Variants in MTREX observed in about 807,000 individuals in gnomAD.
MTREX encodes Mtr4 exosome RNA helicase.
MTREX carries 76 observed loss-of-function variants against 135.4 expected under a neutral mutation model. The observed-to-expected ratio is 0.56, with a 90% CI of 0.47 to 0.68. The LOEUF is 0.68. Ranked by LOEUF, MTREX falls within the 30% of genes least tolerant of loss-of-function variation. The pLI is 0.00. For synonymous variants in MTREX, 404 were observed against 401.6 expected (o/e 1.01, Z -0.07); for missense variants, 920 against 1,262.1 (o/e 0.73, Z 4.11).
intron 16 of MTREX, among the ~76,000 whole-genome samples, chr5:55,368,813 A>G (rs1454042605): frequency 6.6e-6 from 1 of 152,224 alleles, no homozygotes; most frequent in African/African-American, 2.4e-5. Context: ...TGAAAAAAAA[A>G]ATCGAAGATG....
At chr5:55,326,734 C>T (rs936787234) in intron 3 of MTREX, among the ~76,000 whole-genome samples, 1 of 152,156 alleles carries the variant, frequency 6.6e-6, no homozygotes, top group Non-Finnish European at 1.5e-5. Flanking sequence ...TTCTGGGGTA[C>T]ATGTGCAGAA....
In MTREX at chr5:55,324,208, A is replaced by G. The variant is rs1262408244; in HGVS notation, c.339+10A>G. The G allele has an allele frequency of 8.8e-6, 14 of 1,594,076 alleles. No homozygotes were observed. The highest frequency in any genetic ancestry group is 6.8e-5 in the African/African-American group (5 of 73,448). On this transcript the variant is annotated intron_variant, in intron 3 of 26. Coordinates refer to ENST00000230640, the MANE Select transcript of MTREX (RefSeq NM_015360.5). The stretch of plus-strand genomic sequence containing the variant: ...AGGGTGTACACATGAGGTAAGCACA[A>G]ACAGCATACAGAAGGTTAGTGTTAC...
chr5:55,330,159 A>C (rs1014008839), intron 5 of MTREX, among the ~76,000 whole-genome samples: 1 of 151,938 alleles, frequency 6.6e-6, no homozygotes, highest in African/African-American at 2.4e-5. Flanking sequence ...GCTCATTTGC[A>C]TTCTCAAACT....
chr5:55,331,034 G>T (rs1228601271), intron 5 of MTREX, among the ~76,000 whole-genome samples: 4 of 151,152 alleles, frequency 2.6e-5, no homozygotes, highest in Non-Finnish European at 4.4e-5. Flanking sequence ...CTAAAATTTT[G>T]ATTTCGTCAG....
chr5:55,405,535 T>C lies in MTREX; in HGVS notation c.2592T>C (p.Ala864=), dbSNP rs763133934. The C allele has an allele frequency of 6.2e-6, 10 of 1,613,788 alleles. No individual in the cohort carries two copies. The highest frequency in any genetic ancestry group is 2.2e-5 in the East Asian group (1 of 44,872). ...GTGTTTTAAGAAGGTTGGGATTTGC[T>C]ACTTCTTCTGATGTAATAGAGATGA... ...RKRVLRRLGF[A]TSSDVIEMKG... The change falls in exon 22 of 27, where the codon GCT becomes GCC. Residue 864 remains alanine, a synonymous_variant. Transcript: ENST00000230640.
chr5:55,376,810 C>G (rs1750309758), intron 16 of MTREX, among the ~76,000 whole-genome samples: 1 of 152,156 alleles, frequency 6.6e-6, no homozygotes, highest in Admixed American at 6.5e-5. Flanking sequence ...TGGCTCACGC[C>G]TGTAATTCTA....
chr5:55,358,836 G>C, intron 15 of MTREX, 138 bp downstream of exon 15: 1 of 646,586 alleles, frequency 1.5e-6, no homozygotes, highest in Non-Finnish European at 2.4e-6. Flanking sequence ...TTGGGAAGAT[G>C]GAAGGGTGTG....
At chr5:55,331,003 TCAGA>T (rs1389045044) in intron 5 of MTREX, among the ~76,000 whole-genome samples, 4 of 152,166 alleles carry the variant, frequency 2.6e-5, no homozygotes, top group Non-Finnish European at 5.9e-5. Context: ...TTTTTTAATC[TCAGA>T]CACTCAGTTT....
At chr5:55,309,437 C>T (rs1749066676) in intron 1 of MTREX, among the ~76,000 whole-genome samples, 1 of 152,006 alleles carries the variant, frequency 6.6e-6, no homozygotes, top group Non-Finnish European at 1.5e-5. Flanking sequence ...TGTTAGTTAT[C>T]TGGTTGTAAA....
At chr5:55,405,373 G>A (rs1240025169) in intron 21 of MTREX, 52 bp from the exon 22 acceptor site, 2 of 1,424,686 alleles carry the variant, frequency 1.4e-6, no homozygotes, top group East Asian at 2.4e-5. Context: ...AAATCTCCTT[G>A]TACATTGTTC....
chr5:55,335,878 C>T (rs751839749), intron 5 of MTREX, among the ~76,000 whole-genome samples: 5 of 152,022 alleles, frequency 3.3e-5, no homozygotes, highest in East Asian at 3.8e-4. Context: ...TTGACTCAAT[C>T]GATGAAAATG....
intron 23 of MTREX, 74 bp from the exon 24 acceptor site, chr5:55,414,108 T>C: frequency 9.6e-7 from 1 of 1,043,608 alleles, no homozygotes; most frequent in African/African-American, 1.6e-5. Flanking sequence ...CTTTAATTTG[T>C]TAAAACGGGT....
chr5:55,358,449 T>G, intron 14 of MTREX, 124 bp from the exon 15 acceptor site: 1 of 825,682 alleles, frequency 1.2e-6, no homozygotes, highest in Non-Finnish European at 1.8e-6. Context: ...TCATGTTGTT[T>G]TTAATCATGT....
chr5:55,394,913 G>T (rs1750624581), intron 19 of MTREX, among the ~76,000 whole-genome samples: 1 of 151,246 alleles, frequency 6.6e-6, no homozygotes, highest in Admixed American at 6.6e-5. Context: ...GGTGCCTGTA[G>T]TCCCAGCTAC....
rs1460262220 is a variant in MTREX, at chr5:55,366,768, A to G, written c.1703A>G (p.Asn568Ser). 3.1e-6 allele frequency: 5 copies of G among 1,610,650 alleles called. No individual in the cohort carries two copies. The highest frequency in any genetic ancestry group is 8.5e-7 in the Non-Finnish European group (1 of 1,178,364). ...PLNSAFHLTY[N>S]MVLNLLRVEE... ...AATAGTGCTTTCCATTTGACCTACA[A>G]CATGGTTTTGAACTTACTACGTGTA... The change falls in exon 16 of 27, where the codon AAC becomes AGC. Residue 568 changes from asparagine (N) to serine (S), a missense_variant. Coordinates refer to ENST00000230640, the MANE Select transcript of MTREX (RefSeq NM_015360.5).
chr5:55,422,759 T>A, intron 25 of MTREX, 119 bp from the exon 26 acceptor site: 1 of 701,568 alleles, frequency 1.4e-6, no homozygotes, highest in Admixed American at 2.9e-5. Context: ...ATTTACTTCA[T>A]GGGAAGTCCC....
chr5:55,375,724 G>A lies in MTREX; in HGVS notation c.1811-2590G>A, dbSNP rs192309639. 3.6e-3 allele frequency among the ~76,000 whole-genome samples: 551 copies of A among 152,280 alleles called. 2 individuals carry two copies. The highest frequency in any genetic ancestry group is 0.012 in the African/African-American group (506 of 41,550). ...GGAAATCACAAGGGTATTGATTGGG[G>A]AAGTGATAAGTGTCCATGAAATCTT... On this transcript the variant is annotated intron_variant, in intron 16 of 26. Transcript: ENST00000230640.
At chr5:55,364,819 A>C (rs1194134877) in intron 15 of MTREX, among the ~76,000 whole-genome samples, 1 of 152,234 alleles carries the variant, frequency 6.6e-6, no homozygotes, top group African/African-American at 2.4e-5. Flanking sequence ...ACAAACTCCT[A>C]AGCTGGAATT....
chr5:55,387,516 A>G (rs1290396620), intron 18 of MTREX, among the ~76,000 whole-genome samples: 1 of 152,118 alleles, frequency 6.6e-6, no homozygotes, highest in Non-Finnish European at 1.5e-5. Flanking sequence ...AGATCTTAGT[A>G]GTTGTTAGAT....
Sources: gnomAD v4.1 joint callset for allele counts (sites outside exome capture counted in the v4.1 genomes callset) on GRCh38, gnomAD v4.1.1 for gene constraint, MANE v1.5 for transcripts, NCBI Gene and HGNC (gene_info 2026-07-23, HGNC 2026-07-21) for gene names.